The following CEMIP variants were observed in gnomAD, a reference collection of about 807,000 sequenced individuals.
CEMIP encodes the protein cell migration inducing hyaluronidase 1, also known as cell migration-inducing and hyaluronan-binding protein.
Under a neutral mutation model 156.9 loss-of-function variants are expected in CEMIP, and 105 were observed. The ratio of observed to expected loss-of-function variants is 0.67; its 90% CI spans 0.57 to 0.79. The LOEUF (loss-of-function observed/expected upper bound fraction) is 0.79, where lower values mean the gene tolerates loss of function less well. CEMIP is among the 30% of genes least tolerant of loss of function. The pLI is 0.00. For missense variants in CEMIP, 1,457 were observed against 1,769.4 expected (o/e 0.82, Z 3.17); for synonymous variants, 676 against 668.4 (o/e 1.01, Z -0.17).
intron 14 of CEMIP, among the ~76,000 whole-genome samples, chr15:80,917,541 G>C (rs572533374): frequency 4.6e-5 from 7 of 152,330 alleles, no homozygotes; most frequent in Middle Eastern, 6.8e-3. Flanking sequence ...CTTAATAGGA[G>C]AAAGGAAAGC....
intron 14 of CEMIP, among the ~76,000 whole-genome samples, chr15:80,919,146 T>C (rs746231148): frequency 2.6e-5 from 4 of 152,228 alleles, no homozygotes; most frequent in Non-Finnish European, 5.9e-5. Context: ...TTTCTAGTTC[T>C]GAACCCAGGC....
intron 1 of CEMIP, among the ~76,000 whole-genome samples, chr15:80,788,495 A>G (rs900586074): frequency 4.0e-5 from 6 of 151,808 alleles, no homozygotes; most frequent in African/African-American, 1.4e-4. Flanking sequence ...AAGAAAAAAG[A>G]AAAAAGAAAA....
intron 1 of CEMIP, among the ~76,000 whole-genome samples, chr15:80,833,995 G>T (rs1293895076): frequency 6.6e-6 from 1 of 152,138 alleles, no homozygotes; most frequent in Non-Finnish European, 1.5e-5. Flanking sequence ...GATAATTGGG[G>T]CTGGATGACT....
chr15:80,889,418 C>T (rs1898959778), intron 9 of CEMIP, 53 bp from the exon 10 acceptor site: 11 of 1,612,610 alleles, frequency 6.8e-6, no homozygotes, highest in Admixed American at 1.7e-5. Context: ...CTGAGTGTGA[C>T]TTGCCCTCAC....
At chr15:80,795,827 G>A (rs868001222) in intron 1 of CEMIP, among the ~76,000 whole-genome samples, 15 of 152,146 alleles carry the variant, frequency 9.9e-5, no homozygotes, top group African/African-American at 1.2e-4. Flanking sequence ...CTACTTGGGA[G>A]GCTAAGGCAG....
At position 80,880,970 on chromosome 15, in the gene CEMIP, CTT is replaced by C. The variant is rs1898634313; in HGVS notation, c.452_453del (p.Leu151ArgfsTer30). On this transcript the variant is annotated frameshift_variant, in exon 6 of 30. Transcript: ENST00000394685. LOFTEE classifies it high-confidence loss of function. ...KYIGVGKGGA[L>X]ELHGQKKLSW... ...CATTGGGGTTGGTAAAGGAGGCGCT[CTT>C]GAGTTGCATGGACAGAAAAAGCTCT... 1.2e-6 allele frequency: 2 copies of C among 1,614,054 alleles called. No individual in the cohort carries two copies. The highest frequency in any genetic ancestry group is 1.7e-6 in the Non-Finnish European group (2 of 1,180,042).
chr15:80,896,079 C>T lies in CEMIP; in HGVS notation c.1411+19C>T. The T allele has an allele frequency of 6.2e-7, 1 of 1,610,512 alleles. No individual in the cohort carries two copies. Among genetic ancestry groups the T allele is most frequent in the Non-Finnish European group, 8.5e-7 (1 of 1,177,376 alleles). On this transcript the variant is annotated intron_variant, in intron 12 of 29. Transcript: ENST00000394685. ...GTGGCAGGTAGGACTTTTACTAATC[C>T]CTTCCTAGACTGGATGAATCTGAAA...
At chr15:80,869,386 G>A (rs1403116105) in intron 1 of CEMIP, among the ~76,000 whole-genome samples, 1 of 152,196 alleles carries the variant, frequency 6.6e-6, no homozygotes, top group African/African-American at 2.4e-5. Context: ...GTGCCCAAGA[G>A]AATTCACAAG....
Position 80,941,954 on chromosome 15 carries a change from C to T in CEMIP, c.3513C>T (p.Asn1171=), listed in dbSNP as rs546213253. The change falls in exon 26 of 30, where the codon AAC becomes AAT. Residue 1171 remains asparagine, a synonymous_variant. Transcript: ENST00000394685. ...RIKIKALIPK[N]AGVSDCTATA... ...AGATTAAAGCTCTGATTCCAAAGAA[C>T]GCAGGCGTCAGTGACTGCACAGCCA... 9.3e-6 allele frequency: 15 copies of T among 1,613,986 alleles called. No homozygotes were observed. The highest frequency in any genetic ancestry group is 4.5e-5 in the East Asian group (2 of 44,876).
At chr15:80,874,947 T>C (rs1898420099) in intron 3 of CEMIP, among the ~76,000 whole-genome samples, 1 of 151,878 alleles carries the variant, frequency 6.6e-6, no homozygotes, top group South Asian at 2.1e-4. Context: ...AGAGAATAAT[T>C]GATAACTAGT....
intron 25 of CEMIP, among the ~76,000 whole-genome samples, chr15:80,939,098 C>T (rs959809743): frequency 1.3e-5 from 2 of 152,202 alleles, no homozygotes; most frequent in Admixed American, 1.3e-4. Context: ...GACAAGCTGG[C>T]AGGGGAAGAG....
At chr15:80,869,738 G>A (rs1323339893) in intron 1 of CEMIP, among the ~76,000 whole-genome samples, 3 of 152,170 alleles carry the variant, frequency 2.0e-5, no homozygotes, top group African/African-American at 4.8e-5. Context: ...CCAGAGACCA[G>A]TGATATATAT....
intron 1 of CEMIP, among the ~76,000 whole-genome samples, chr15:80,794,575 C>T (rs886241429): frequency 6.6e-6 from 1 of 152,134 alleles, no homozygotes; most frequent in Non-Finnish European, 1.5e-5. Context: ...TTATTTTCAC[C>T]TCATACATCC....
intron 1 of CEMIP, among the ~76,000 whole-genome samples, chr15:80,802,867 T>G (rs1896413450): frequency 6.6e-6 from 1 of 152,210 alleles, no homozygotes; most frequent in African/African-American, 2.4e-5. Flanking sequence ...AGGAATACCC[T>G]TGGTTTTGTA....
chr15:80,880,003 A>G lies in CEMIP; in HGVS notation c.380+149A>G. 5.4e-6 allele frequency: 5 copies of G among 925,384 alleles called. No individual in the cohort carries two copies. The South Asian group carries it at 7.0e-5, about 13-fold the overall frequency. The allele number at this position is 925,384 out of a possible 1,614,324, so 57.3% of individuals were successfully genotyped here. A position where few individuals can be genotyped will look rare whatever the true frequency, so the allele number is the denominator to read the frequency against. On this transcript the variant is annotated intron_variant, in intron 5 of 29. Transcript: ENST00000394685. ...CAGATGGGGATCATGAACAAGACAG[A>G]CATGGTGATTTGGGAGAGCTGAAGT...
intron 1 of CEMIP, among the ~76,000 whole-genome samples, chr15:80,862,482 C>T (rs930097844): frequency 1.3e-5 from 2 of 152,210 alleles, no homozygotes; most frequent in Non-Finnish European, 2.9e-5. Context: ...GCATTCATTA[C>T]CAGGTCCTAT....
In CEMIP at chr15:80,900,648, G is replaced by C. The variant is rs866846705; in HGVS notation, c.1411+4588G>C. Among the ~76,000 whole-genome samples, 181 of 111,904 alleles carry C rather than the reference G, an allele frequency of 1.6e-3. 3 individuals are homozygous for C. Among genetic ancestry groups the C allele is most frequent in the African/African-American group, 5.4e-3 (163 of 30,212 alleles). The allele number at this position is 111,904 out of a possible 152,430, so 73.4% of individuals were successfully genotyped here. A position where few individuals can be genotyped will look rare whatever the true frequency, so the allele number is the denominator to read the frequency against. ...TGTGTGTGTGTGTGTGTGTGTGTGT[G>C]TCTGTGTGTGTGTCTGTGTGTGTGT... is the stretch of plus-strand genomic sequence containing the variant. On this transcript the variant is annotated intron_variant, in intron 12 of 29. Transcript: ENST00000394685.
chr15:80,813,748 G>A (rs868810229), intron 1 of CEMIP, among the ~76,000 whole-genome samples: 3 of 152,108 alleles, frequency 2.0e-5, no homozygotes, highest in Non-Finnish European at 4.4e-5. Flanking sequence ...ATTTGAATTC[G>A]GACAGATGAT....
At chr15:80,839,697 T>C (rs908828031) in intron 1 of CEMIP, among the ~76,000 whole-genome samples, 1 of 152,174 alleles carries the variant, frequency 6.6e-6, no homozygotes, top group African/African-American at 2.4e-5. Context: ...ATCCTCTTCA[T>C]CTGCCCACCT....
Sources: allele counts gnomAD v4.1 joint callset (sites outside exome capture counted in the v4.1 genomes callset), GRCh38; gene constraint gnomAD v4.1.1; transcripts MANE v1.5; gene names NCBI Gene and HGNC (gene_info 2026-07-23, HGNC 2026-07-21).